Variants in ELMO1 observed in about 807,000 individuals in gnomAD.
ELMO1 encodes engulfment and cell motility protein 1.
In ELMO1, 26 loss-of-function variants were observed where a neutral mutation model predicts 98.9. That is an observed-to-expected ratio of 0.26 (90% CI 0.19 to 0.36). The LOEUF (loss-of-function observed/expected upper bound fraction) is 0.36. Among genes scored for constraint, ELMO1 ranks in the 10% least tolerant of loss-of-function variants. ELMO1 has a pLI of 1.00. For missense variants in ELMO1, 627 were observed against 935.2 expected (o/e 0.67, Z 4.30); for synonymous variants, 346 against 346.0 (o/e 1.00, Z 0.00).
chr7:37,371,299 C>T (rs1802105862), intron 1 of ELMO1, among the ~76,000 whole-genome samples: 1 of 152,124 alleles, frequency 6.6e-6, no homozygotes, highest in South Asian at 2.1e-4. Context: ...GAATGGGATC[C>T]ACGCTTGAAA....
chr7:37,433,208 C>T (rs553424973), intron 1 of ELMO1, among the ~76,000 whole-genome samples: 1 of 152,316 alleles, frequency 6.6e-6, no homozygotes, highest in Admixed American at 6.5e-5. Flanking sequence ...TTTTAAAGGA[C>T]TGTTAAAAGG....
At chr7:37,370,602 CA>C (rs1205652648) in intron 1 of ELMO1, among the ~76,000 whole-genome samples, 1 of 151,944 alleles carries the variant, frequency 6.6e-6, no homozygotes, top group African/African-American at 2.4e-5. Flanking sequence ...ACAAGCAACC[CA>C]AAAGGCATAT....
At chr7:37,386,381 G>C (rs1343501118) in intron 1 of ELMO1, among the ~76,000 whole-genome samples, 1 of 151,834 alleles carries the variant, frequency 6.6e-6, no homozygotes, top group African/African-American at 2.4e-5. Context: ...GGGCTGGAGG[G>C]GGGAGCCCAG....
At chr7:37,373,331 G>T (rs1479885537) in intron 1 of ELMO1, among the ~76,000 whole-genome samples, 3 of 152,156 alleles carry the variant, frequency 2.0e-5, no homozygotes, top group Non-Finnish European at 4.4e-5. Flanking sequence ...AGGTGGCCAG[G>T]CATGGTGGCT....
At chr7:37,167,014 G>A (rs1250036273) in intron 13 of ELMO1, among the ~76,000 whole-genome samples, 2 of 152,014 alleles carry the variant, frequency 1.3e-5, no homozygotes, top group East Asian at 3.8e-4. Flanking sequence ...TTATGAATCT[G>A]GGTGCTCCTG....
intron 2 of ELMO1, among the ~76,000 whole-genome samples, chr7:37,337,814 G>T (rs1264491219): frequency 6.6e-6 from 1 of 152,148 alleles, no homozygotes; most frequent in Non-Finnish European, 1.5e-5. Flanking sequence ...GGCTTGAAGA[G>T]TTTATGCAGG....
intron 13 of ELMO1, among the ~76,000 whole-genome samples, chr7:37,164,123 G>A (rs1453469921): frequency 6.6e-6 from 1 of 152,178 alleles, no homozygotes; most frequent in Non-Finnish European, 1.5e-5. Context: ...TCTTTTGGCT[G>A]CATAAATGTC....
At chr7:37,074,040 ATCT>A (rs1001799662) in intron 15 of ELMO1, among the ~76,000 whole-genome samples, 19 of 149,552 alleles carry the variant, frequency 1.3e-4, no homozygotes, top group Middle Eastern at 3.5e-3. Context: ...GAAAATACTG[ATCT>A]TCTCAAAAGT....
chr7:36,970,045 A>G (rs189223740), intron 16 of ELMO1, among the ~76,000 whole-genome samples: 62 of 152,302 alleles, frequency 4.1e-4, no homozygotes, highest in Admixed American at 1.2e-3. Context: ...TACTAAAAAT[A>G]AAACTCTTCT....
intron 13 of ELMO1, among the ~76,000 whole-genome samples, chr7:37,166,364 T>A (rs911934291): frequency 6.6e-6 from 1 of 152,174 alleles, no homozygotes. Flanking sequence ...TTTAGTTATT[T>A]CTTGCCTTCT....
chr7:37,082,939 A>C (rs1168338700), intron 15 of ELMO1, among the ~76,000 whole-genome samples: 2 of 152,140 alleles, frequency 1.3e-5, no homozygotes, highest in African/African-American at 4.8e-5. Context: ...TACATATGTC[A>C]CTCAAGAACA....
At chr7:37,163,516 C>A (rs1299842556) in intron 13 of ELMO1, among the ~76,000 whole-genome samples, 2 of 131,140 alleles carry the variant, frequency 1.5e-5, no homozygotes, top group African/African-American at 5.7e-5. Flanking sequence ...ACAACAGTCC[C>A]CAGAGCGTGA....
chr7:37,008,041 T>A (rs371718570), intron 16 of ELMO1, among the ~76,000 whole-genome samples: 7 of 152,340 alleles, frequency 4.6e-5, no homozygotes, highest in African/African-American at 1.7e-4. Context: ...CTAGATAAAG[T>A]TTCAAGATAG....
chr7:37,031,152 TC>T (rs1471773558), intron 15 of ELMO1, among the ~76,000 whole-genome samples: 2 of 152,148 alleles, frequency 1.3e-5, no homozygotes, highest in African/African-American at 4.8e-5. Flanking sequence ...TACAATGGTC[TC>T]CCAGTCTCGG....
At chr7:37,052,526 A>T (rs749437104) in intron 15 of ELMO1, among the ~76,000 whole-genome samples, 11 of 152,224 alleles carry the variant, frequency 7.2e-5, no homozygotes, top group Non-Finnish European at 1.5e-4. Context: ...AAGTCTACTA[A>T]GATTCAATGA....
intron 1 of ELMO1, among the ~76,000 whole-genome samples, chr7:37,426,101 A>C (rs2131547129): frequency 6.9e-6 from 1 of 144,954 alleles, no homozygotes; most frequent in Admixed American, 6.9e-5. Context: ...AGCCTCTCTA[A>C]ACTTAGAGTT....
chr7:37,345,818 T>A (rs576866062), intron 1 of ELMO1, among the ~76,000 whole-genome samples: 301 of 151,260 alleles, frequency 2.0e-3, no homozygotes, highest in Non-Finnish European at 3.4e-3. Flanking sequence ...TGAAACCCCA[T>A]CTCTACTAAA....
At chr7:37,349,320 A>C (rs1379435937) in intron 1 of ELMO1, among the ~76,000 whole-genome samples, 1 of 152,246 alleles carries the variant, frequency 6.6e-6, no homozygotes, top group Non-Finnish European at 1.5e-5. Context: ...CTGATAGAAA[A>C]AGACATAGAC....
intron 16 of ELMO1, among the ~76,000 whole-genome samples, chr7:36,950,612 GACTGACTCA>G (rs1787890024): frequency 6.6e-6 from 1 of 152,182 alleles, no homozygotes; most frequent in South Asian, 2.1e-4. Flanking sequence ...CAAGGCTGGG[GACTGACTCA>G]ATATTTTTCT....
Sources: gnomAD v4.1 joint callset for allele counts (sites outside exome capture counted in the v4.1 genomes callset) on GRCh38, gnomAD v4.1.1 for gene constraint, MANE v1.5 for transcripts, NCBI Gene and HGNC (gene_info 2026-07-23, HGNC 2026-07-21) for gene names.